GALNTL6: variants seen among roughly 807,000 people sequenced by gnomAD.
GALNTL6 encodes the protein polypeptide N-acetylgalactosaminyltransferase like 6.
GALNTL6 carries 46 observed loss-of-function variants against 73.7 expected under a neutral mutation model. That is an observed-to-expected ratio of 0.62 (90% confidence interval 0.49 to 0.80). The LOEUF is 0.80. Among genes scored for constraint, GALNTL6 ranks in the 30% least tolerant of loss-of-function variants. The probability of loss-of-function intolerance (pLI) is 0.00; values close to 1 mark genes in which losing one functional copy is unlikely to be tolerated. For synonymous variants in GALNTL6, 259 were observed against 263.7 expected, an observed-to-expected ratio of 0.98 and a Z score of 0.17; for missense variants, 604 against 755.0, an observed-to-expected ratio of 0.80 and a Z score of 2.34.
chr4:172,961,880 C>G (rs1366452329), intron 10 of GALNTL6, among the ~76,000 whole-genome samples: 1 of 152,212 alleles, frequency 6.6e-6, no homozygotes, highest in African/African-American at 2.4e-5. Context: ...GTCCCCCGAT[C>G]TGAGTCATGG....
intron 2 of GALNTL6, among the ~76,000 whole-genome samples, chr4:171,920,681 T>C (rs1345168124): frequency 1.3e-5 from 2 of 152,080 alleles, no homozygotes; most frequent in African/African-American, 2.4e-5. Context: ...TAGAAATCAA[T>C]GTATAACTCC....
chr4:172,311,875 A>T, intron 4 of GALNTL6, 123 bp downstream of exon 4: 1 of 657,664 alleles, frequency 1.5e-6, no homozygotes, highest in Non-Finnish European at 2.4e-6. Flanking sequence ...TAATTTTGAT[A>T]AAAACTCATA....
intron 2 of GALNTL6, among the ~76,000 whole-genome samples, chr4:172,010,444 A>G (rs974258243): frequency 2.0e-5 from 3 of 152,134 alleles, no homozygotes; most frequent in Non-Finnish European, 4.4e-5. Context: ...AGGAGAAAAT[A>G]AAGTTACAGC....
chr4:172,382,694 G>A (rs865916012), intron 5 of GALNTL6, among the ~76,000 whole-genome samples: 3 of 151,946 alleles, frequency 2.0e-5, no homozygotes, highest in Non-Finnish European at 2.9e-5. Flanking sequence ...AAAGTTTCCC[G>A]TATGTTCTCT....
intron 2 of GALNTL6, among the ~76,000 whole-genome samples, chr4:172,062,095 G>A (rs1731222262): frequency 6.6e-6 from 1 of 151,444 alleles, no homozygotes; most frequent in African/African-American, 2.4e-5. Flanking sequence ...GACTACAGGT[G>A]CACACCACCA....
At chr4:172,057,374 A>G (rs1353505940) in intron 2 of GALNTL6, among the ~76,000 whole-genome samples, 1 of 151,632 alleles carries the variant, frequency 6.6e-6, no homozygotes, top group Non-Finnish European at 1.5e-5. Context: ...AGAAGGCGAG[A>G]CTAGAAAAAG....
intron 5 of GALNTL6, among the ~76,000 whole-genome samples, chr4:172,705,589 T>C (rs888511770): frequency 6.6e-6 from 1 of 152,076 alleles, no homozygotes; most frequent in Non-Finnish European, 1.5e-5. Context: ...ATGATTTTTA[T>C]ACTTCAGGTG....
At chr4:172,961,768 G>A (rs1462808175) in intron 10 of GALNTL6, among the ~76,000 whole-genome samples, 1 of 152,210 alleles carries the variant, frequency 6.6e-6, no homozygotes, top group African/African-American at 2.4e-5. Context: ...TTAAATTGGT[G>A]AGATGTTCCT....
At chr4:172,917,572 T>A (rs1336773360) in intron 8 of GALNTL6, among the ~76,000 whole-genome samples, 14 of 151,874 alleles carry the variant, frequency 9.2e-5, no homozygotes, top group Admixed American at 9.2e-4. Context: ...AACAACCCCA[T>A]CAAAAAGTGG....
At chr4:172,922,187 T>C (rs1313764194) in intron 8 of GALNTL6, among the ~76,000 whole-genome samples, 2 of 152,312 alleles carry the variant, frequency 1.3e-5, no homozygotes, top group East Asian at 3.9e-4. Context: ...CCTCCCGCCA[T>C]GATTCTGAGG....
At chr4:172,476,998 C>T (rs1389475138) in intron 5 of GALNTL6, among the ~76,000 whole-genome samples, 3 of 146,842 alleles carry the variant, frequency 2.0e-5, no homozygotes, top group Non-Finnish European at 4.5e-5. Flanking sequence ...GATCTCGGCT[C>T]ACTGCAAGCT....
At chr4:172,386,307 A>C (rs1743468178) in intron 5 of GALNTL6, among the ~76,000 whole-genome samples, 1 of 152,162 alleles carries the variant, frequency 6.6e-6, no homozygotes, top group Admixed American at 6.6e-5. Context: ...GGAAAGTCCA[A>C]GATCAAAGTA....
At chr4:172,224,960 A>G (rs950144092) in intron 2 of GALNTL6, among the ~76,000 whole-genome samples, 2 of 152,138 alleles carry the variant, frequency 1.3e-5, no homozygotes, top group African/African-American at 4.8e-5. Context: ...TCTGTCCCTG[A>G]TATTTTTTCA....
intron 2 of GALNTL6, among the ~76,000 whole-genome samples, chr4:171,837,123 T>C (rs1735113127): frequency 6.6e-6 from 1 of 152,178 alleles, no homozygotes; most frequent in South Asian, 2.1e-4. Context: ...GTGAGCCAGC[T>C]GATTGGATGC....
At chr4:172,783,055 G>A (rs10012267) in intron 5 of GALNTL6, among the ~76,000 whole-genome samples, 6,698 of 151,302 alleles carry the variant, frequency 0.044, 259 homozygotes, top group African/African-American at 0.1. Context: ...CATTTCAAAC[G>A]TTTCAAGTTG....
At chr4:172,642,799 T>G (rs565405331) in intron 5 of GALNTL6, among the ~76,000 whole-genome samples, 1 of 152,048 alleles carries the variant, frequency 6.6e-6, no homozygotes, top group East Asian at 1.9e-4. Context: ...TATAAACATT[T>G]AAAAACATCA....
At chr4:171,922,653 G>A (rs1419042257) in intron 2 of GALNTL6, among the ~76,000 whole-genome samples, 1 of 151,978 alleles carries the variant, frequency 6.6e-6, no homozygotes, top group African/African-American at 2.4e-5. Flanking sequence ...ATAATTTGAG[G>A]TAGTTTAAGG....
intron 8 of GALNTL6, among the ~76,000 whole-genome samples, chr4:172,907,928 G>C (rs2111255881): frequency 6.6e-6 from 1 of 152,204 alleles, no homozygotes; most frequent in Middle Eastern, 3.4e-3. Context: ...AGCTTCTCTG[G>C]CACATTTCAG....
chr4:172,083,404 A>T (rs990097949), intron 2 of GALNTL6, among the ~76,000 whole-genome samples: 49 of 152,210 alleles, frequency 3.2e-4, no homozygotes, highest in Non-Finnish European at 2.5e-4. Context: ...TTTTACAATG[A>T]CATCCTAGGT....
Sources: gnomAD v4.1 joint callset for allele counts (sites outside exome capture counted in the v4.1 genomes callset) on GRCh38, gnomAD v4.1.1 for gene constraint, MANE v1.5 for transcripts, NCBI Gene and HGNC (gene_info 2026-07-23, HGNC 2026-07-21) for gene names.